The following CEP57L1 variants were observed in gnomAD, a reference collection of about 807,000 sequenced individuals.
CEP57L1 encodes centrosomal protein 57 like 1, also known as centrosomal protein CEP57L1.
A neutral mutation model predicts 61.0 loss-of-function variants in CEP57L1; 37 were observed. The ratio of observed to expected loss-of-function variants is 0.61; its 90% CI spans 0.47 to 0.80. The LOEUF is 0.80. Among genes scored for constraint, CEP57L1 ranks in the 30% least tolerant of loss-of-function variants. The pLI, the probability that CEP57L1 is intolerant of heterozygous loss-of-function variation, is 0.00. For missense variants in CEP57L1, 422 were observed against 524.7 expected (o/e 0.80, Z 1.91); for synonymous variants, 137 against 162.3 (o/e 0.84, Z 1.19).
chr6:109,106,263 G>C (rs940688551), intron 1 of CEP57L1, among the ~76,000 whole-genome samples: 6 of 152,006 alleles, frequency 3.9e-5, no homozygotes, highest in African/African-American at 9.7e-5. Context: ...AAAAAGATTG[G>C]GGACCACTGA....
intron 1 of CEP57L1, among the ~76,000 whole-genome samples, chr6:109,118,222 A>C (rs1772533483): frequency 6.6e-6 from 1 of 152,174 alleles, no homozygotes; most frequent in African/African-American, 2.4e-5. Flanking sequence ...TTTTTAGTAG[A>C]GACAGGGTTT....
At chr6:109,127,836 G>T (rs1022057754) in intron 1 of CEP57L1, among the ~76,000 whole-genome samples, 1 of 151,478 alleles carries the variant, frequency 6.6e-6, no homozygotes, top group Admixed American at 6.6e-5. Context: ...CACCATGTTG[G>T]CCAGGATGGT....
Position 109,166,328 on chromosome 6 carries a change from A to T in CEP57L1, c.*3358A>T, listed in dbSNP as rs758574940. Among the ~76,000 whole-genome samples the T allele has an allele frequency of 1.3e-5, 2 of 150,268 alleles. No homozygotes were observed. Among genetic ancestry groups the T allele is most frequent in the Non-Finnish European group, 3.0e-5 (2 of 67,712 alleles). On this transcript the variant is annotated 3_prime_UTR_variant, in exon 11 of 11. Transcript: ENST00000517392. ...CCTTTTTTTCTATACCTGCCAGTAGATGTGAGAGCTTTTCTTACTTTAAAA... is the reference window on the plus strand; with the variant it reads ...CCTTTTTTTCTATACCTGCCAGTAGTTGTGAGAGCTTTTCTTACTTTAAAA...
intron 1 of CEP57L1, among the ~76,000 whole-genome samples, chr6:109,116,145 TTATGTTA>T (rs1286513766): frequency 6.7e-6 from 1 of 149,310 alleles, no homozygotes; most frequent in Non-Finnish European, 1.5e-5. Context: ...TTATGTTATG[TTATGTTA>T]TGTTATGTTA....
At chr6:109,160,538 A>G (rs1562149410) in intron 9 of CEP57L1, 34 bp from the exon 10 acceptor site, 1 of 1,517,140 alleles carries the variant, frequency 6.6e-7, no homozygotes, top group Non-Finnish European at 9.0e-7. Flanking sequence ...GCAATAAACT[A>G]TAATACTGCT....
In CEP57L1 at chr6:109,171,135, C is replaced by G. The variant is rs1774382979; in HGVS notation, c.*8165C>G. On this transcript the variant is annotated 3_prime_UTR_variant, in exon 11 of 11. Transcript: ENST00000517392. Reference sequence around the variant, plus strand: ...TTCTTTGTTCTTTTACAGAATGGCTCTCAAGTCGAAAGAGGGCTGTGCCTT... The same window carrying G: ...TTCTTTGTTCTTTTACAGAATGGCTGTCAAGTCGAAAGAGGGCTGTGCCTT... Among the ~76,000 whole-genome samples, 1 of 152,008 alleles carries G rather than the reference C, an allele frequency of 6.6e-6. No homozygotes were observed.
chr6:109,095,751 T>C (rs1258216113), intron 1 of CEP57L1, among the ~76,000 whole-genome samples, 176 bp downstream of exon 1: 1 of 152,012 alleles, frequency 6.6e-6, no homozygotes, highest in Admixed American at 6.6e-5. Context: ...GTGTGGTGGG[T>C]GAGGCAAGGA....
intron 4 of CEP57L1, among the ~76,000 whole-genome samples, chr6:109,150,911 T>C (rs987276164): frequency 6.6e-6 from 1 of 152,064 alleles, no homozygotes. Context: ...TACTAGTAGG[T>C]CCACTCTAAA....
At chr6:109,157,454 T>G (rs1221428316) in intron 7 of CEP57L1, 1 of 152,026 alleles carries the variant, frequency 6.6e-6, no homozygotes, top group Non-Finnish European at 1.5e-5. Context: ...TAATAGAAGA[T>G]TAATAGAGGT....
intron 2 of CEP57L1, 103 bp downstream of exon 2, chr6:109,145,484 C>A: frequency 1.3e-6 from 1 of 768,796 alleles, no homozygotes; most frequent in Non-Finnish European, 2.0e-6. Flanking sequence ...CTTAACAAAA[C>A]TCCTAACTTT....
intron 3 of CEP57L1, among the ~76,000 whole-genome samples, chr6:109,147,448 A>G (rs982716138): frequency 5.3e-5 from 8 of 152,132 alleles, no homozygotes; most frequent in African/African-American, 1.9e-4. Flanking sequence ...ATTATGAAAA[A>G]TTTTAGAAAT....
rs1362561118 is a variant in CEP57L1 at position 109,105,143 on chromosome 6, T to A, written c.-4+9568T>A. The stretch of plus-strand genomic sequence containing the variant: ...TCTTTTATGTTATATATGTTTCTTT[T>A]TTAAAGATATCATCAATGATGTTTT... On this transcript the variant is annotated intron_variant, in intron 1 of 10. Coordinates refer to ENST00000517392, the MANE Select transcript of CEP57L1 (RefSeq NM_001271852.3). Among the ~76,000 whole-genome samples, 3 of 152,222 alleles carry A rather than the reference T, an allele frequency of 2.0e-5. No homozygotes were observed. The East Asian group carries it at 5.8e-4, about 29-fold the overall frequency.
At chr6:109,104,470 T>C (rs1323587117) in intron 1 of CEP57L1, among the ~76,000 whole-genome samples, 1 of 152,266 alleles carries the variant, frequency 6.6e-6, no homozygotes, top group Non-Finnish European at 1.5e-5. Context: ...TTTCAAGTTA[T>C]GTTTTGTTTT....
At chr6:109,147,040 A>T in intron 3 of CEP57L1, 103 bp downstream of exon 3, 1 of 886,884 alleles carries the variant, frequency 1.1e-6, no homozygotes, top group Non-Finnish European at 1.7e-6. Context: ...CTTTATTCTT[A>T]TATATATTCA....
intron 1 of CEP57L1, among the ~76,000 whole-genome samples, chr6:109,136,352 G>A (rs987698091): frequency 2.0e-5 from 3 of 152,138 alleles, no homozygotes; most frequent in African/African-American, 7.2e-5. Context: ...ACTCATAGGT[G>A]GGAATTGAAC....
intron 1 of CEP57L1, among the ~76,000 whole-genome samples, chr6:109,107,465 A>G (rs1771079367): frequency 6.6e-6 from 1 of 152,220 alleles, no homozygotes; most frequent in South Asian, 2.1e-4. Context: ...CCTGAAAAAC[A>G]TGCGTTTCAG....
chr6:109,163,142 A>G lies in CEP57L1; in HGVS notation c.*172A>G. 5 of 521,456 alleles carry G rather than the reference A, an allele frequency of 9.6e-6. No individual in the cohort carries two copies. Among genetic ancestry groups the G allele is most frequent in the Non-Finnish European group, 1.7e-5 (5 of 295,716 alleles). 32.3% of individuals were successfully genotyped at this position (521,456 alleles called of 1,614,324 possible). On this transcript the variant is annotated 3_prime_UTR_variant, in exon 11 of 11. Coordinates refer to ENST00000517392, the MANE Select transcript of CEP57L1 (RefSeq NM_001271852.3). ...TGCCTAATGACCTGGTGGGTTCCAAATAATAAATTAATTGCTTTTTTATTT... is the reference window on the plus strand; with the variant it reads ...TGCCTAATGACCTGGTGGGTTCCAAGTAATAAATTAATTGCTTTTTTATTT...
intron 1 of CEP57L1, among the ~76,000 whole-genome samples, chr6:109,123,406 A>G (rs1246114668): frequency 6.6e-6 from 1 of 152,192 alleles, no homozygotes; most frequent in Non-Finnish European, 1.5e-5. Context: ...TGGGCAAGTT[A>G]CTTAACTTCT....
Position 109,166,762 on chromosome 6 carries a change from G to C in CEP57L1, c.*3792G>C, listed in dbSNP as rs777378296. Among the ~76,000 whole-genome samples, 44 of 152,230 alleles carry C rather than the reference G, an allele frequency of 2.9e-4. No individual in the cohort carries two copies. The highest frequency in any genetic ancestry group is 5.7e-4 in the Non-Finnish European group (39 of 68,012). On this transcript the variant is annotated 3_prime_UTR_variant, in exon 11 of 11. Transcript: ENST00000517392. Reference sequence around the variant, plus strand: ...TTGTAATGTGAGAAATCAATCTAAGGGGGGAAGAGGCCAGTTGGTTATGCA... The same window carrying C: ...TTGTAATGTGAGAAATCAATCTAAGCGGGGAAGAGGCCAGTTGGTTATGCA...
Sources: allele counts gnomAD v4.1 joint callset (sites outside exome capture counted in the v4.1 genomes callset), GRCh38; gene constraint gnomAD v4.1.1; transcripts MANE v1.5; gene names NCBI Gene and HGNC (gene_info 2026-07-23, HGNC 2026-07-21).